Variants in PTPRD observed in about 807,000 individuals in gnomAD.
PTPRD encodes the protein receptor-type tyrosine-protein phosphatase delta.
PTPRD carries 34 observed loss-of-function variants against 214.5 expected under a neutral mutation model. The observed-to-expected ratio is 0.16, with a 90% confidence interval of 0.12 to 0.21. The LOEUF (loss-of-function observed/expected upper bound fraction) is 0.21. Among genes scored for constraint, PTPRD ranks in the 10% least tolerant of loss-of-function variants. The pLI is 1.00. For synonymous variants in PTPRD, 1,128 were observed against 845.7 expected, an observed-to-expected ratio of 1.33 and a Z score of -5.79; for missense variants, 2,545 against 2,398.7, an observed-to-expected ratio of 1.06 and a Z score of -1.27.
chr9:9,381,790 T>A (rs2062373700), intron 9 of PTPRD, among the ~76,000 whole-genome samples: 1 of 152,030 alleles, frequency 6.6e-6, no homozygotes, highest in African/African-American at 2.4e-5. Flanking sequence ...GTTATGTATT[T>A]TGAAATCAAG....
intron 11 of PTPRD, among the ~76,000 whole-genome samples, chr9:8,928,580 G>GTAGCATGCTGTT (rs58910166): frequency 6.7e-6 from 1 of 149,428 alleles, no homozygotes; most frequent in Non-Finnish European, 1.5e-5. Context: ...TTTGGTACCA[G>GTAGCATGCTGTT]TTGGTTACTC....
intron 2 of PTPRD, among the ~76,000 whole-genome samples, chr9:10,438,691 T>A (rs2098738663): frequency 6.6e-6 from 1 of 151,786 alleles, no homozygotes; most frequent in Non-Finnish European, 1.5e-5. Flanking sequence ...TATTTACAGT[T>A]TGGCAAAGGA....
At chr9:9,572,356 T>C (rs2086707727) in intron 8 of PTPRD, among the ~76,000 whole-genome samples, 1 of 151,268 alleles carries the variant, frequency 6.6e-6, no homozygotes, top group Admixed American at 6.6e-5. Context: ...GTAAGAATGT[T>C]AGTCGAAGAA....
chr9:8,859,269 C>A (rs906547037), intron 11 of PTPRD, among the ~76,000 whole-genome samples: 8 of 152,208 alleles, frequency 5.3e-5, no homozygotes, highest in African/African-American at 1.9e-4. Flanking sequence ...AACACCTCTT[C>A]CCTAGACAAG....
intron 8 of PTPRD, among the ~76,000 whole-genome samples, chr9:9,536,873 T>A (rs1307611118): frequency 6.6e-6 from 1 of 152,016 alleles, no homozygotes; most frequent in African/African-American, 2.4e-5. Flanking sequence ...AAGAGAAAAG[T>A]TTGGCATATC....
At chr9:10,273,849 G>C (rs774518485) in intron 3 of PTPRD, among the ~76,000 whole-genome samples, 4 of 152,116 alleles carry the variant, frequency 2.6e-5, no homozygotes, top group Non-Finnish European at 5.9e-5. Flanking sequence ...GTACTTTATT[G>C]AGATAATAGA....
chr9:10,369,600 A>G (rs936120981), intron 2 of PTPRD, among the ~76,000 whole-genome samples: 4 of 152,134 alleles, frequency 2.6e-5, no homozygotes, highest in Non-Finnish European at 5.9e-5. Context: ...CCTAAAAGGA[A>G]AAAATTCCTC....
chr9:9,463,888 A>G (rs958985667), intron 8 of PTPRD, among the ~76,000 whole-genome samples: 1 of 152,116 alleles, frequency 6.6e-6, no homozygotes, highest in African/African-American at 2.4e-5. Context: ...CCCAAATAGT[A>G]TCAAGGAACT....
intron 3 of PTPRD, among the ~76,000 whole-genome samples, chr9:10,251,989 C>T (rs762949500): frequency 1.8e-4 from 27 of 152,014 alleles, no homozygotes; most frequent in Non-Finnish European, 2.9e-4. Flanking sequence ...TGTAAACATA[C>T]GCACCACAAA....
At chr9:10,278,873 C>A (rs979297598) in intron 3 of PTPRD, among the ~76,000 whole-genome samples, 4 of 152,034 alleles carry the variant, frequency 2.6e-5, no homozygotes, top group Non-Finnish European at 5.9e-5. Flanking sequence ...CTCCTTGGTT[C>A]AAGCCATTCT....
At chr9:8,696,990 G>A (rs1034673908) in intron 12 of PTPRD, among the ~76,000 whole-genome samples, 1 of 152,148 alleles carries the variant, frequency 6.6e-6, no homozygotes, top group African/African-American at 2.4e-5. Flanking sequence ...AAAATCAAAT[G>A]GGTTACAAAA....
chr9:10,247,437 G>C (rs1026114765), intron 3 of PTPRD, among the ~76,000 whole-genome samples: 1 of 152,128 alleles, frequency 6.6e-6, no homozygotes, highest in African/African-American at 2.4e-5. Flanking sequence ...ACAAAATGTA[G>C]TTTTATACAG....
chr9:9,666,662 G>A (rs1274769269), intron 7 of PTPRD, among the ~76,000 whole-genome samples: 2 of 151,940 alleles, frequency 1.3e-5, no homozygotes, highest in African/African-American at 4.8e-5. Flanking sequence ...GGCTTCTACT[G>A]TTCTACCTAA....
chr9:9,225,989 G>T (rs74323335), intron 9 of PTPRD, among the ~76,000 whole-genome samples: 3,933 of 152,062 alleles, frequency 0.026, 151 homozygotes, highest in African/African-American at 0.077. Context: ...TGTTACTGAG[G>T]AAAATTTATG....
At chr9:9,689,831 G>A (rs997909562) in intron 7 of PTPRD, among the ~76,000 whole-genome samples, 2 of 151,712 alleles carry the variant, frequency 1.3e-5, no homozygotes, top group African/African-American at 4.8e-5. Flanking sequence ...TTTTTTAATG[G>A]CTGAATACCA....
chr9:9,260,458 C>T (rs905865770), intron 9 of PTPRD, among the ~76,000 whole-genome samples: 3 of 151,912 alleles, frequency 2.0e-5, no homozygotes, highest in South Asian at 2.1e-4. Flanking sequence ...AGACAGTTTT[C>T]GCCAATATAT....
At chr9:8,836,926 A>C (rs1268626861) in intron 11 of PTPRD, among the ~76,000 whole-genome samples, 1 of 151,690 alleles carries the variant, frequency 6.6e-6, no homozygotes, top group African/African-American at 2.4e-5. Context: ...ACCAAGTCCC[A>C]TCTCAAGCTA....
rs533194634 is a variant in PTPRD, at chr9:8,589,962, C to T, written c.352+43355G>A. On this transcript the variant is annotated intron_variant, in intron 14 of 45. Transcript: ENST00000381196. Reference sequence around the variant, plus strand: ...TGCTGGAAATAACAGAAATTGCTTGCGTTCACTTGGTCAACTAATAATGAC... The same window carrying T: ...TGCTGGAAATAACAGAAATTGCTTGTGTTCACTTGGTCAACTAATAATGAC... 3.3e-5 allele frequency among the ~76,000 whole-genome samples: 5 copies of T among 152,206 alleles called. No homozygotes were observed. In the South Asian group the frequency reaches 1.0e-3, roughly 32 times the overall value.
chr9:8,429,605 C>A lies in PTPRD; in HGVS notation c.4086+6987G>T, dbSNP rs190179561. On this transcript the variant is annotated intron_variant, in intron 35 of 45. Transcript: ENST00000381196. ...AAACAGAAGGACAGGGCTCTGATAT[C>A]TGAAATATTTCATATAAAAGGGTCA... Among the ~76,000 whole-genome samples the A allele has an allele frequency of 3.3e-4, 50 of 152,232 alleles. No individual in the cohort carries two copies. In the East Asian group the frequency reaches 9.3e-3, roughly 28 times the overall value.
Sources: gnomAD v4.1 joint callset for allele counts (sites outside exome capture counted in the v4.1 genomes callset) on GRCh38, gnomAD v4.1.1 for gene constraint, MANE v1.5 for transcripts, NCBI Gene and HGNC (gene_info 2026-07-23, HGNC 2026-07-21) for gene names.